CRACD: variants seen among roughly 807,000 people sequenced by gnomAD.
CRACD encodes capping protein inhibiting regulator of actin dynamics, also known as capping protein-inhibiting regulator of actin dynamics.
CRACD carries 56 observed loss-of-function variants against 106.8 expected under a neutral mutation model. That is an observed-to-expected ratio of 0.52 (90% confidence interval 0.42 to 0.66). The LOEUF (loss-of-function observed/expected upper bound fraction) is 0.66, where lower values mean the gene tolerates loss of function less well. Among genes scored for constraint, CRACD ranks in the 30% least tolerant of loss-of-function variants. CRACD has a pLI of 0.00. For synonymous variants in CRACD, 754 were observed against 670.8 expected, an observed-to-expected ratio of 1.12 and a Z score of -1.92; for missense variants, 1,730 against 1,623.2, an observed-to-expected ratio of 1.07 and a Z score of -1.13.
At chr4:56,140,617 A>G (rs943740751) in intron 1 of CRACD, among the ~76,000 whole-genome samples, 9 of 152,198 alleles carry the variant, frequency 5.9e-5, no homozygotes, top group African/African-American at 1.9e-4. Flanking sequence ...AGACATACCT[A>G]TTCTCTGGAA....
At chr4:56,299,706 C>CCCAAGCAAGCACTTCT (rs1442064304) in intron 4 of CRACD, among the ~76,000 whole-genome samples, 1 of 151,686 alleles carries the variant, frequency 6.6e-6, no homozygotes, top group Non-Finnish European at 1.5e-5. Flanking sequence ...AAGAGAAATG[C>CCCAAGCAAGCACTTCT]CCAAGCAAGC....
chr4:56,176,510 G>A (rs552081389), intron 1 of CRACD, among the ~76,000 whole-genome samples: 2 of 148,956 alleles, frequency 1.3e-5, no homozygotes, highest in Admixed American at 6.8e-5. Context: ...CTGACTGCAA[G>A]CTCCACCTCC....
intron 10 of CRACD, among the ~76,000 whole-genome samples, chr4:56,327,220 T>C (rs557761705): frequency 4.3e-4 from 65 of 152,208 alleles, no homozygotes; most frequent in Non-Finnish European, 7.8e-4. Context: ...TATAAACACA[T>C]AGCTTGCTTT....
chr4:56,273,331 T>TCCTC (rs1742477035), intron 3 of CRACD, among the ~76,000 whole-genome samples: 2 of 150,798 alleles, frequency 1.3e-5, no homozygotes, highest in African/African-American at 2.4e-5. Flanking sequence ...CTTCCTTCCT[T>TCCTC]CCTCCCTCCC....
Position 56,163,309 on chromosome 4 carries a change from TA to T in CRACD, c.-335-15970del, listed in dbSNP as rs141467964. On this transcript the variant is annotated intron_variant, in intron 1 of 10. Transcript: ENST00000682029. ...GAGTCCCGTCTTCAAAAAAAAAAGCTAAAAATATTGATACATAATATTTTTC... is the reference window on the plus strand; with the variant it reads ...GAGTCCCGTCTTCAAAAAAAAAAGCTAAAATATTGATACATAATATTTTTC... Among the ~76,000 whole-genome samples the T allele has an allele frequency of 2.9e-3, 444 of 152,214 alleles. 8 individuals carry two copies. The East Asian group carries it at 0.055, about 19-fold the overall frequency.
intron 2 of CRACD, among the ~76,000 whole-genome samples, chr4:56,267,798 G>A (rs981826600): frequency 6.6e-6 from 1 of 152,160 alleles, no homozygotes; most frequent in African/African-American, 2.4e-5. Flanking sequence ...GTGTACTTGT[G>A]TCAAGTTATT....
chr4:56,199,029 A>G (rs1737751651), intron 2 of CRACD, among the ~76,000 whole-genome samples: 1 of 152,004 alleles, frequency 6.6e-6, no homozygotes, highest in South Asian at 2.1e-4. Context: ...CTCCTCTGGA[A>G]TGGAGTGGCA....
intron 2 of CRACD, among the ~76,000 whole-genome samples, chr4:56,267,124 GTT>G (rs1553915653): frequency 6.7e-6 from 1 of 149,192 alleles, no homozygotes; most frequent in Admixed American, 6.7e-5. Context: ...ATTTATTTAA[GTT>G]TTTTTTTTTT....
intron 1 of CRACD, among the ~76,000 whole-genome samples, chr4:56,060,160 A>C (rs1414861257): frequency 6.6e-6 from 1 of 152,160 alleles, no homozygotes. Flanking sequence ...CGGTGCAGTC[A>C]GTTAGGATGT....
chr4:56,125,484 G>T (rs1441893770), intron 1 of CRACD, among the ~76,000 whole-genome samples: 5 of 152,026 alleles, frequency 3.3e-5, no homozygotes, highest in African/African-American at 4.8e-5. Context: ...TGCAAATGGT[G>T]CATGGCTCAC....
intron 4 of CRACD, 107 bp from the exon 5 acceptor site, chr4:56,307,428 G>A (rs1374071820): frequency 4.0e-6 from 4 of 1,008,598 alleles, no homozygotes; most frequent in African/African-American, 1.6e-5. Context: ...GAAATCAGTT[G>A]TGCACAAGGT....
intron 4 of CRACD, among the ~76,000 whole-genome samples, chr4:56,303,354 A>C (rs1270122968): frequency 6.6e-6 from 1 of 152,092 alleles, no homozygotes; most frequent in Admixed American, 6.5e-5. Flanking sequence ...GTAGGAAAAA[A>C]AAAAAAAAAG....
chr4:56,240,298 G>A (rs1482074804), intron 2 of CRACD, among the ~76,000 whole-genome samples: 1 of 152,080 alleles, frequency 6.6e-6, no homozygotes, highest in African/African-American at 2.4e-5. Flanking sequence ...GGTTAGGTAG[G>A]GGGATTCCTA....
intron 1 of CRACD, among the ~76,000 whole-genome samples, chr4:56,172,987 C>A (rs1736436733): frequency 6.6e-6 from 1 of 152,164 alleles, no homozygotes; most frequent in Admixed American, 6.5e-5. Flanking sequence ...AACTCTCAAC[C>A]TCAGGTGATC....
chr4:56,222,485 A>G (rs532708522), intron 2 of CRACD, among the ~76,000 whole-genome samples: 2 of 152,224 alleles, frequency 1.3e-5, no homozygotes, highest in Non-Finnish European at 2.9e-5. Context: ...AGAATTCACC[A>G]CTATATAATA....
Position 56,137,209 on chromosome 4 carries a change from T to A in CRACD, c.-335-42075T>A, listed in dbSNP as rs148304982. 3.3e-3 allele frequency among the ~76,000 whole-genome samples: 504 copies of A among 151,986 alleles called. 5 individuals carry two copies. Among genetic ancestry groups the A allele is most frequent in the African/African-American group, 0.012 (480 of 41,426 alleles). The stretch of plus-strand genomic sequence containing the variant: ...TGACTTGAGCCCCAGAAGGTCAAGG[T>A]TGCGGTGAGCTGGAATCATGCTACT... On this transcript the variant is annotated intron_variant, in intron 1 of 10. Coordinates refer to ENST00000682029, the MANE Select transcript of CRACD (RefSeq NM_001393381.1).
chr4:56,308,232 C>T (rs964252783), intron 5 of CRACD, among the ~76,000 whole-genome samples: 2 of 152,052 alleles, frequency 1.3e-5, no homozygotes, highest in Admixed American at 1.3e-4. Flanking sequence ...CGTAGGGGCT[C>T]CATGAGATAG....
chr4:56,288,951 A>G (rs1434757392), intron 3 of CRACD, among the ~76,000 whole-genome samples: 4 of 152,230 alleles, frequency 2.6e-5, no homozygotes, highest in Non-Finnish European at 5.9e-5. Context: ...AAAGGAAGGA[A>G]ATTCTGACAC....
intron 2 of CRACD, among the ~76,000 whole-genome samples, chr4:56,240,200 A>T (rs915257228): frequency 2.0e-5 from 3 of 152,066 alleles, no homozygotes; most frequent in Admixed American, 6.6e-5. Flanking sequence ...ATTATTTCCC[A>T]CCTCAGGAAA....
Sources: gnomAD v4.1 joint callset for allele counts (sites outside exome capture counted in the v4.1 genomes callset) on GRCh38, gnomAD v4.1.1 for gene constraint, MANE v1.5 for transcripts, NCBI Gene and HGNC (gene_info 2026-07-23, HGNC 2026-07-21) for gene names.